Variants in FANCB observed in about 807,000 individuals in gnomAD.
The protein encoded by FANCB is FA complementation group B.
In FANCB, 5 loss-of-function variants were observed where a neutral mutation model predicts 38.9. That is an observed-to-expected ratio of 0.13 (90% CI 0.07 to 0.27). The LOEUF (loss-of-function observed/expected upper bound fraction) is 0.27, where lower values mean the gene tolerates loss of function less well. Ranked by LOEUF, FANCB falls within the 10% of genes least tolerant of loss-of-function variation. The pLI is 1.00. For missense variants in FANCB, 573 were observed against 602.7 expected, an observed-to-expected ratio of 0.95 and a Z score of 0.52; for synonymous variants, 236 against 215.4, an observed-to-expected ratio of 1.10 and a Z score of -0.84.
chrX:14,831,807 G>C (rs1391161320), downstream of FANCB, among the ~76,000 whole-genome samples: 15 of 111,891 alleles, frequency 1.3e-4, no homozygotes, highest in Non-Finnish European at 2.6e-4. Context: ...GAACAAAACC[G>C]GAAGGAAGCA....
At chrX:14,798,895 T>C in the FANCB span, among the ~76,000 whole-genome samples, 1 of 111,778 alleles carries the variant, frequency 8.9e-6, no homozygotes, top group Non-Finnish European at 1.9e-5. Context: ...ACTGGTGAAA[T>C]TGCTGCATAA....
At chrX:14,791,283 A>C in the FANCB span, among the ~76,000 whole-genome samples, 2 of 111,665 alleles carry the variant, frequency 1.8e-5, no homozygotes, top group East Asian at 5.6e-4. Flanking sequence ...TGGTGTCCTT[A>C]TAAAAGAGGA....
At chrX:14,726,722 C>T in the FANCB span, among the ~76,000 whole-genome samples, 11 of 112,285 alleles carry the variant, frequency 9.8e-5, no homozygotes, top group Non-Finnish European at 1.9e-4. Flanking sequence ...TTTTAGCTGT[C>T]CATTCACAGT....
the FANCB span, among the ~76,000 whole-genome samples, chrX:14,806,493 G>C: frequency 8.9e-6 from 1 of 111,931 alleles, no homozygotes; most frequent in Non-Finnish European, 1.9e-5. Context: ...GTTGTAGGGA[G>C]AAGACAGTAG....
chrX:14,787,265 A>T, the FANCB span, among the ~76,000 whole-genome samples: 1 of 111,317 alleles, frequency 9.0e-6, no homozygotes, highest in Non-Finnish European at 1.9e-5. Context: ...AAAAGCACAT[A>T]TAAGTGAAAT....
chrX:14,714,100 G>T, the FANCB span, among the ~76,000 whole-genome samples: 1 of 110,594 alleles, frequency 9.0e-6, no homozygotes, highest in Admixed American at 9.7e-5. Flanking sequence ...CTATTTCCTG[G>T]TTTGAAGCTT....
the FANCB span, among the ~76,000 whole-genome samples, chrX:14,697,510 T>C: frequency 2.7e-5 from 3 of 111,878 alleles, no homozygotes; most frequent in Middle Eastern, 9.2e-3. Context: ...CTTTTCTTCA[T>C]ATGTTCCAGA....
the FANCB span, among the ~76,000 whole-genome samples, chrX:14,757,444 G>A: frequency 9.0e-6 from 1 of 111,668 alleles, no homozygotes; most frequent in Non-Finnish European, 1.9e-5. Flanking sequence ...GGAAAGCCAA[G>A]ACACTCCACA....
chrX:14,755,083 G>GA, the FANCB span, among the ~76,000 whole-genome samples: 1 of 111,680 alleles, frequency 9.0e-6, no homozygotes, highest in Admixed American at 9.5e-5. Flanking sequence ...ATTAGATAGA[G>GA]AAAAAAGCAT....
At chrX:14,733,732 G>T in the FANCB span, among the ~76,000 whole-genome samples, 1 of 111,855 alleles carries the variant, frequency 8.9e-6, no homozygotes, top group East Asian at 2.8e-4. Flanking sequence ...CTGAGATTTT[G>T]CTGAAGTTGC....
chrX:14,843,498 G>T lies in FANCB; in HGVS notation c.*69C>A. 2.6e-6 allele frequency: 2 copies of T among 780,081 alleles called. No individual in the cohort carries two copies. Among genetic ancestry groups the T allele is most frequent in the African/African-American group, 2.1e-5 (1 of 47,240 alleles). 64.3% of individuals were successfully genotyped at this position (780,081 alleles called of 1,213,427 possible). A position where few individuals can be genotyped will look rare whatever the true frequency, so the allele number is the denominator to read the frequency against. On this transcript the variant is annotated 3_prime_UTR_variant, in exon 10 of 10. Coordinates refer to ENST00000650831, the MANE Select transcript of FANCB (RefSeq NM_001018113.3). ...TTTATTTTTACAAAGGAGGCATATA[G>T]CAAGTAGAACCAAAATCTTATATGG... is the stretch of plus-strand genomic sequence containing the variant.
At chrX:14,800,911 C>CCAAA in the FANCB span, among the ~76,000 whole-genome samples, 1 of 111,650 alleles carries the variant, frequency 9.0e-6, no homozygotes, top group Non-Finnish European at 1.9e-5. Context: ...CAACAGTGTT[C>CCAAA]TTTTGACAAA....
At chrX:14,723,237 T>C in the FANCB span, among the ~76,000 whole-genome samples, 1 of 112,326 alleles carries the variant, frequency 8.9e-6, no homozygotes, top group Non-Finnish European at 1.9e-5. Flanking sequence ...TGGTGTCTTC[T>C]TTCTCATTGA....
the FANCB span, among the ~76,000 whole-genome samples, chrX:14,823,939 A>G: frequency 1.8e-5 from 2 of 111,549 alleles, no homozygotes; most frequent in Non-Finnish European, 3.8e-5. Context: ...GCCAAAGAAG[A>G]GACCCAGAGC....
the FANCB span, among the ~76,000 whole-genome samples, chrX:14,728,082 T>TA: frequency 1.2e-4 from 13 of 112,483 alleles, no homozygotes; most frequent in African/African-American, 3.9e-4. Flanking sequence ...GTAGTAGTTT[T>TA]ATAGTTACTT....
chrX:14,808,348 A>T, the FANCB span, among the ~76,000 whole-genome samples: 3 of 111,692 alleles, frequency 2.7e-5, no homozygotes, highest in South Asian at 7.4e-4. Context: ...ACAGTACATT[A>T]AAAAAAATCA....
chrX:14,761,282 C>A, the FANCB span, among the ~76,000 whole-genome samples: 2 of 111,250 alleles, frequency 1.8e-5, no homozygotes, highest in African/African-American at 6.5e-5. Flanking sequence ...GGATTACAGG[C>A]ATGAGCTACC....
chrX:14,818,176 G>C, the FANCB span, among the ~76,000 whole-genome samples: 1 of 109,956 alleles, frequency 9.1e-6, no homozygotes, highest in Non-Finnish European at 1.9e-5. Flanking sequence ...TGAATTTTTA[G>C]AAGGGAGGGT....
chrX:14,784,749 G>C, the FANCB span, among the ~76,000 whole-genome samples: 1 of 111,962 alleles, frequency 8.9e-6, no homozygotes, highest in Non-Finnish European at 1.9e-5. Flanking sequence ...CAATAGCAAA[G>C]ACATAGAAGC....
Sources: gnomAD v4.1 joint callset for allele counts (sites outside exome capture counted in the v4.1 genomes callset) on GRCh38, gnomAD v4.1.1 for gene constraint, MANE v1.5 for transcripts, NCBI Gene and HGNC (gene_info 2026-07-23, HGNC 2026-07-21) for gene names.